Variants in KIF13A observed in about 807,000 individuals in gnomAD.
KIF13A encodes the protein kinesin family member 13A.
A neutral mutation model predicts 212.2 loss-of-function variants in KIF13A; 79 were observed. The observed-to-expected ratio is 0.37, with a 90% CI of 0.31 to 0.45. The LOEUF is 0.45. Among genes scored for constraint, KIF13A ranks in the 20% least tolerant of loss-of-function variants. The pLI is 1.00. For missense variants in KIF13A, 1,901 were observed against 2,209.0 expected (o/e 0.86, Z 2.79); for synonymous variants, 789 against 808.6 (o/e 0.98, Z 0.41).
intron 2 of KIF13A, among the ~76,000 whole-genome samples, chr6:17,938,588 C>T (rs1055029233): frequency 3.3e-5 from 5 of 152,124 alleles, no homozygotes; most frequent in African/African-American, 1.2e-4. Flanking sequence ...TGATCTAAAA[C>T]AAACTTCTTA....
chr6:17,950,718 T>C, intron 2 of KIF13A: 1 of 983,178 alleles, frequency 1.0e-6, no homozygotes, highest in Non-Finnish European at 1.2e-6. Context: ...AAAAACGAAA[T>C]ATATGACAAA....
At position 17,947,643 on chromosome 6, in the gene KIF13A, C is replaced by G. The variant is rs974024109; in HGVS notation, c.146+39411G>C. 6.6e-6 allele frequency among the ~76,000 whole-genome samples: 1 copy of G among 152,016 alleles called. No individual in the cohort carries two copies. The highest frequency in any genetic ancestry group is 1.5e-5 in the Non-Finnish European group (1 of 68,012). On this transcript the variant is annotated intron_variant, in intron 2 of 38. Coordinates refer to ENST00000259711, the MANE Select transcript of KIF13A (RefSeq NM_022113.6). This position sits in a 1 kb window ranked among gnomAD's most constrained non-coding sequence, Gnocchi z 4.6. The stretch of plus-strand genomic sequence containing the variant: ...CAGGAGTTTGAGACCAGCCGACCAG[C>G]CTGGGCAACACGGTGAAACCCTATC...
intron 25 of KIF13A, among the ~76,000 whole-genome samples, chr6:17,793,357 C>T (rs530670767): frequency 2.6e-5 from 4 of 152,002 alleles, no homozygotes; most frequent in Admixed American, 6.6e-5. Flanking sequence ...GCTGGGATTA[C>T]AGGCATGAGC....
In KIF13A at chr6:17,809,118, G is replaced by A. The variant is rs1199057039; in HGVS notation, c.2001-188C>T. ...GGCTATCTGTTGAGAACTACTGATG[G>A]GAAGCAAATTGTTGAGCAACTTAAC... On this transcript the variant is annotated intron_variant, in intron 17 of 38. Transcript: ENST00000259711. The surrounding 1 kb of genome is among the most constrained non-coding windows in gnomAD (Gnocchi z 4.7). Among the ~76,000 whole-genome samples, 3 of 152,136 alleles carry A rather than the reference G, an allele frequency of 2.0e-5. No individual in the cohort carries two copies.
rs559169765 is a variant in KIF13A, at chr6:17,793,234, C to T, written c.3222+1015G>A. On this transcript the variant is annotated intron_variant, in intron 25 of 38. Transcript: ENST00000259711. Reference sequence around the variant, plus strand: ...TAGCTGAGATGACAGTCATGCACCACGACACCTGGCTAATTTTCTGTATTT... The same window carrying T: ...TAGCTGAGATGACAGTCATGCACCATGACACCTGGCTAATTTTCTGTATTT... Among the ~76,000 whole-genome samples the T allele has an allele frequency of 5.3e-5, 8 of 152,162 alleles. No individual in the cohort carries two copies. The South Asian group carries it at 8.3e-4, about 16-fold the overall frequency.
At chr6:17,858,617 G>A (rs1362969151) in intron 4 of KIF13A, among the ~76,000 whole-genome samples, 1 of 152,164 alleles carries the variant, frequency 6.6e-6, no homozygotes, top group Non-Finnish European at 1.5e-5. Flanking sequence ...CTGGAGCCAA[G>A]GCCTATATCA....
At chr6:17,879,814 C>A (rs894469518) in intron 3 of KIF13A, among the ~76,000 whole-genome samples, 1 of 152,110 alleles carries the variant, frequency 6.6e-6, no homozygotes, top group African/African-American at 2.4e-5. Flanking sequence ...ATATGAATAA[C>A]ACAAGGTTTG....
At chr6:17,909,844 G>T (rs542192099) in intron 2 of KIF13A, among the ~76,000 whole-genome samples, 1 of 151,982 alleles carries the variant, frequency 6.6e-6, no homozygotes, top group Non-Finnish European at 1.5e-5. Context: ...GAGATTGCAC[G>T]ACTGCACTCT....
At chr6:17,884,270 T>C (rs943365077) in intron 3 of KIF13A, among the ~76,000 whole-genome samples, 5 of 152,238 alleles carry the variant, frequency 3.3e-5, no homozygotes, top group African/African-American at 1.2e-4. Flanking sequence ...CCTACTAAGA[T>C]AATGCTTGGC....
At position 17,855,189 on chromosome 6, in the gene KIF13A, G is replaced by A. The variant is rs1314524206; in HGVS notation, c.494+248C>T. 2.0e-5 allele frequency among the ~76,000 whole-genome samples: 3 copies of A among 150,870 alleles called. No individual in the cohort carries two copies. Among genetic ancestry groups the A allele is most frequent in the Admixed American group, 6.6e-5 (1 of 15,176 alleles). Reference sequence around the variant, plus strand: ...CAATTTTTGTGAATAGTTCATGGTGGCAAAAAAAAATACCAATAGTAAAAA... The same window carrying A: ...CAATTTTTGTGAATAGTTCATGGTGACAAAAAAAAATACCAATAGTAAAAA... On this transcript the variant is annotated intron_variant, in intron 6 of 38. Transcript: ENST00000259711. This position sits in a 1 kb window ranked among gnomAD's most constrained non-coding sequence, Gnocchi z 4.1.
At chr6:17,831,375 A>G in intron 12 of KIF13A, 140 bp from the exon 13 acceptor site, 1 of 945,714 alleles carries the variant, frequency 1.1e-6, no homozygotes, top group Non-Finnish European at 1.6e-6. Context: ...CCACATTAAC[A>G]GAGAGTCTAC....
chr6:17,831,392 T>A (rs186967640), intron 12 of KIF13A, among the ~76,000 whole-genome samples, 157 bp from the exon 13 acceptor site: 1 of 152,178 alleles, frequency 6.6e-6, no homozygotes, highest in East Asian at 1.9e-4. Flanking sequence ...CTACAGTGCA[T>A]GACATCTTGT....
intron 2 of KIF13A, among the ~76,000 whole-genome samples, chr6:17,901,378 C>A (rs949450802): frequency 6.6e-6 from 1 of 152,062 alleles, no homozygotes; most frequent in Non-Finnish European, 1.5e-5. Flanking sequence ...GAAATATTAT[C>A]TTAATCTTCA....
At chr6:17,924,902 T>C (rs542308791) in intron 2 of KIF13A, among the ~76,000 whole-genome samples, 2 of 152,318 alleles carry the variant, frequency 1.3e-5, no homozygotes, top group South Asian at 4.1e-4. Flanking sequence ...AGCAACAAAT[T>C]GCTACAACGC....
At chr6:17,784,438 A>C (rs1038555818) in intron 28 of KIF13A, among the ~76,000 whole-genome samples, 3 of 152,198 alleles carry the variant, frequency 2.0e-5, no homozygotes, top group East Asian at 3.9e-4. Flanking sequence ...AAAAACAAAC[A>C]AAAAAACCCA....
At chr6:17,882,406 C>A (rs1010406919) in intron 3 of KIF13A, among the ~76,000 whole-genome samples, 1 of 152,124 alleles carries the variant, frequency 6.6e-6, no homozygotes, top group African/African-American at 2.4e-5. Context: ...AAACCCTCCT[C>A]AGACACAAAG....
chr6:17,918,446 G>A lies in KIF13A; in HGVS notation c.147-20266C>T, dbSNP rs1774742677. On this transcript the variant is annotated intron_variant, in intron 2 of 38. Transcript: ENST00000259711. The surrounding 1 kb of genome is among the most constrained non-coding windows in gnomAD (Gnocchi z 4.8). ...TACTACAGAAAAATGATTATTTTAT[G>A]TCTGTTAACTACTAATTTGGAGTCC... is the stretch of plus-strand genomic sequence containing the variant. Among the ~76,000 whole-genome samples the A allele has an allele frequency of 6.6e-6, 1 of 152,126 alleles. No individual in the cohort carries two copies. The highest frequency in any genetic ancestry group is 2.4e-5 in the African/African-American group (1 of 41,436).
intron 2 of KIF13A, among the ~76,000 whole-genome samples, chr6:17,956,358 C>T (rs1561802843): frequency 6.6e-6 from 1 of 152,220 alleles, no homozygotes; most frequent in Admixed American, 6.5e-5. Flanking sequence ...CATGTGCACA[C>T]TTTTTCAAAG....
chr6:17,871,386 C>T lies in KIF13A; in HGVS notation c.220+1991G>A, dbSNP rs73723303. ...TCTGGTGCCTTTCCAGATTTTATCT[C>T]TCCTTGGATTTTATGTAACACTTAA... On this transcript the variant is annotated intron_variant, in intron 4 of 38. Coordinates refer to ENST00000259711, the MANE Select transcript of KIF13A (RefSeq NM_022113.6). The surrounding 1 kb of genome is among the most constrained non-coding windows in gnomAD (Gnocchi z 4.4). 0.19 allele frequency among the ~76,000 whole-genome samples: 28,296 copies of T among 151,936 alleles called. 2,825 individuals are homozygous for T. The highest frequency in any genetic ancestry group is 0.32 in the South Asian group (1,535 of 4,810).
Sources: gnomAD v4.1 joint callset for allele counts (sites outside exome capture counted in the v4.1 genomes callset) on GRCh38, gnomAD v4.1.1 for gene constraint, Gnocchi (gnomAD v3.1) non-coding constraint, MANE v1.5 for transcripts, NCBI Gene and HGNC (gene_info 2026-07-23, HGNC 2026-07-21) for gene names.